Variants in TMEM213 observed in about 807,000 individuals in gnomAD.
TMEM213 encodes the protein transmembrane protein 213.
Under a neutral mutation model 11.6 loss-of-function variants are expected in TMEM213, and 7 were observed. That is an observed-to-expected ratio of 0.60 (90% CI 0.34 to 1.13). TMEM213 has a LOEUF of 1.13. Among genes scored for constraint, TMEM213 ranks in the 50% most tolerant of loss-of-function variants. The probability of loss-of-function intolerance (pLI) is 0.03; values close to 1 mark genes in which losing one functional copy is unlikely to be tolerated. For missense variants in TMEM213, 129 were observed against 139.0 expected, an observed-to-expected ratio of 0.93 and a Z score of 0.36; for synonymous variants, 60 against 58.3, an observed-to-expected ratio of 1.03 and a Z score of -0.13.
chr7:138,798,292 T>G, intron 1 of TMEM213, 106 bp downstream of exon 1: 2 of 954,690 alleles, frequency 2.1e-6, no homozygotes, highest in Admixed American at 2.7e-5. Context: ...TTGGCCAGGG[T>G]TGGTCCTGCG....
In TMEM213 at chr7:138,804,797, TG is replaced by T. The variant is rs1192617899; in HGVS notation, c.*1730del. 2.6e-5 allele frequency: 4 copies of T among 152,016 alleles called. No homozygotes were observed. Among genetic ancestry groups the T allele is most frequent in the South Asian group, 2.1e-4 (1 of 4,820 alleles). The allele number at this position is 152,016 out of a possible 1,614,324, so 9.4% of individuals were successfully genotyped here. A position where few individuals can be genotyped will look rare whatever the true frequency, so the allele number is the denominator to read the frequency against. On this transcript the variant is annotated 3_prime_UTR_variant, in exon 3 of 3. Transcript: ENST00000442682. ...AGTCACTGTCACTTAGCATGGAGAG[TG>T]GACGTTGCACATCACTGTGAAACCT...
In TMEM213 at chr7:138,805,568, T is replaced by C. The variant is rs1199827426; in HGVS notation, c.*2499T>C. On this transcript the variant is annotated 3_prime_UTR_variant, in exon 3 of 3. Transcript: ENST00000442682. ...AAGGTGCATGCTTTGATTTAACATCTGCAAACATTTAAAAAATATAACAGT... is the reference window on the plus strand; with the variant it reads ...AAGGTGCATGCTTTGATTTAACATCCGCAAACATTTAAAAAATATAACAGT... The C allele has an allele frequency of 6.6e-6, 1 of 152,222 alleles. No individual in the cohort carries two copies. The highest frequency in any genetic ancestry group is 1.5e-5 in the Non-Finnish European group (1 of 68,048). The allele number at this position is 152,222 out of a possible 1,614,324, so 9.4% of individuals were successfully genotyped here.
chr7:138,803,055 G>A lies in TMEM213; in HGVS notation c.310G>A (p.Asp104Asn). 1 of 1,613,424 alleles carries A rather than the reference G, an allele frequency of 6.2e-7. No individual in the cohort carries two copies. The highest frequency in any genetic ancestry group is 8.5e-7 in the Non-Finnish European group (1 of 1,179,802). ...LMKLTPDEPK[D>N]LQA Reference sequence around the variant, plus strand: ...GAAGCTGACTCCAGATGAGCCCAAGGACTTGCAAGCGTGAGACCCAGGCTC... The same window carrying A: ...GAAGCTGACTCCAGATGAGCCCAAGAACTTGCAAGCGTGAGACCCAGGCTC... Residue 104 changes from aspartate (D) to asparagine (N), a missense_variant, in exon 3 of 3, where the codon GAC (aspartate) becomes AAC (asparagine). By Grantham distance (23) the Asp-to-Asn change is conservative (BLOSUM62 1). Coordinates refer to ENST00000442682, the MANE Select transcript of TMEM213 (RefSeq NM_001085429.2).
At chr7:138,798,905 C>T (rs1027776470) in intron 1 of TMEM213, among the ~76,000 whole-genome samples, 1 of 152,146 alleles carries the variant, frequency 6.6e-6, no homozygotes, top group Non-Finnish European at 1.5e-5. Context: ...ACCACACTCT[C>T]TATGCCCTGC....
chr7:138,798,365 C>CT, intron 1 of TMEM213, 179 bp downstream of exon 1: 1 of 55,234 alleles, frequency 1.8e-5, no homozygotes, highest in Non-Finnish European at 3.3e-5. Context: ...GGAGGTGGGG[C>CT]TGGGGCAGGG....
Position 138,805,114 on chromosome 7 carries a change from C to A in TMEM213, c.*2045C>A, listed in dbSNP as rs952642678. 3 of 151,906 alleles carry A rather than the reference C, an allele frequency of 2.0e-5. No homozygotes were observed. The highest frequency in any genetic ancestry group is 2.9e-5 in the Non-Finnish European group (2 of 68,026). The allele number at this position is 151,906 out of a possible 1,614,324, so 9.4% of individuals were successfully genotyped here. On this transcript the variant is annotated 3_prime_UTR_variant, in exon 3 of 3. Coordinates refer to ENST00000442682, the MANE Select transcript of TMEM213 (RefSeq NM_001085429.2). Reference sequence around the variant, plus strand: ...AGTCTTCCAAAACAGCAGATAATTTCTGAATCTCAGATGTTGAATCAGTGC... The same window carrying A: ...AGTCTTCCAAAACAGCAGATAATTTATGAATCTCAGATGTTGAATCAGTGC...
intron 1 of TMEM213, among the ~76,000 whole-genome samples, chr7:138,798,981 C>T (rs868745736): frequency 3.9e-5 from 6 of 152,154 alleles, no homozygotes; most frequent in African/African-American, 1.4e-4. Flanking sequence ...CATCCTCAGA[C>T]TCTCTTCTGT....
intron 1 of TMEM213, among the ~76,000 whole-genome samples, chr7:138,798,980 A>T (rs1270211136): frequency 6.6e-6 from 1 of 151,020 alleles, no homozygotes; most frequent in African/African-American, 2.4e-5. Flanking sequence ...TCATCCTCAG[A>T]CTCTCTTCTG....
chr7:138,801,643 AG>A, intron 2 of TMEM213: 1 of 518,490 alleles, frequency 1.9e-6, no homozygotes, highest in South Asian at 2.9e-5. Context: ...ATCCCAGGTC[AG>A]CAGCTAACAA....
chr7:138,799,381 TG>T, intron 1 of TMEM213: 1 of 152,336 alleles, frequency 6.6e-6, no homozygotes, highest in Admixed American at 6.5e-5. Flanking sequence ...ACTGAATCGT[TG>T]GGTCTTCCCA....
In TMEM213 at chr7:138,798,144, C is replaced by T. The variant is rs770213757; in HGVS notation, c.40C>T (p.Leu14Phe). 1.1e-5 allele frequency: 18 copies of T among 1,602,018 alleles called. No homozygotes were observed. The East Asian group carries it at 4.1e-4, about 36-fold the overall frequency. Residue 14 changes from leucine (L) to phenylalanine (F), a missense_variant, in exon 1 of 3, where the codon CTC becomes TTC. Transcript: ENST00000442682. ...LPAATRATLI[L>F]SLAFASLHSA... is the part of the protein sequence containing the mutation. ...CGCTGCCACCCGGGCCACCCTGATC[C>T]TCAGCCTGGCCTTTGCCTCCCTCCA...
intron 1 of TMEM213, among the ~76,000 whole-genome samples, chr7:138,800,661 A>G (rs1336227345): frequency 6.8e-6 from 1 of 147,870 alleles, no homozygotes; most frequent in Non-Finnish European, 1.5e-5. Flanking sequence ...TTCTCTGTGC[A>G]TGTGTGTTGC....
At chr7:138,801,241 T>C (rs777072257) in intron 1 of TMEM213, 86 bp from the exon 2 acceptor site, 15 of 1,232,670 alleles carry the variant, frequency 1.2e-5, no homozygotes, top group Non-Finnish European at 1.6e-5. Flanking sequence ...TAATACTCAC[T>C]ACTGATTTAC....
chr7:138,800,820 C>A lies in TMEM213; in HGVS notation c.83-507C>A, dbSNP rs191647910. 3.5e-3 allele frequency among the ~76,000 whole-genome samples: 526 copies of A among 152,132 alleles called. 1 individual carries two copies. The highest frequency in any genetic ancestry group is 5.3e-3 in the Non-Finnish European group (363 of 68,012). On this transcript the variant is annotated intron_variant, in intron 1 of 2. Coordinates refer to ENST00000442682, the MANE Select transcript of TMEM213 (RefSeq NM_001085429.2). ...GTTCAAGCAATTCTGCTGCCCCAGC[C>A]TCCCAAGTAGCTGGGATTACAGGCA...
At position 138,798,088 on chromosome 7, in the gene TMEM213, TCAGCA is replaced by T. The variant is rs1443644315; in HGVS notation, c.-12_-8del. 1.3e-6 allele frequency: 2 copies of T among 1,589,618 alleles called. No homozygotes were observed. Among genetic ancestry groups the T allele is most frequent in the South Asian group, 2.3e-5 (2 of 87,112 alleles). On this transcript the variant is annotated 5_prime_UTR_variant, in exon 1 of 3. Coordinates refer to ENST00000442682, the MANE Select transcript of TMEM213 (RefSeq NM_001085429.2). ...GGACCGGCTCACCTGCACCGGGCACTCAGCACAGCCTCCAGCATGCAGCGCCTCCC... is the reference window on the plus strand; with the variant it reads ...GGACCGGCTCACCTGCACCGGGCACTCAGCCTCCAGCATGCAGCGCCTCCC...
In TMEM213 at chr7:138,806,658, C is replaced by T. The variant is rs191745107; in HGVS notation, c.*3589C>T. 1 of 152,396 alleles carries T rather than the reference C, an allele frequency of 6.6e-6. No individual in the cohort carries two copies. The highest frequency in any genetic ancestry group is 6.5e-5 in the Admixed American group (1 of 15,308). 9.4% of individuals were successfully genotyped at this position (152,396 alleles called of 1,614,324 possible). A position where few individuals can be genotyped will look rare whatever the true frequency, so the allele number is the denominator to read the frequency against. ...AAAACTTTGCCTCTAGCAGTGGACA[C>T]TGTCCTCAACACAGCTACAGTTTAT... On this transcript the variant is annotated 3_prime_UTR_variant, in exon 3 of 3. Coordinates refer to ENST00000442682, the MANE Select transcript of TMEM213 (RefSeq NM_001085429.2).
chr7:138,805,202 G>A lies in TMEM213; in HGVS notation c.*2133G>A, dbSNP rs1176707585. The A allele has an allele frequency of 7.5e-6, 1 of 132,620 alleles. No homozygotes were observed. Among genetic ancestry groups the A allele is most frequent in the Non-Finnish European group, 1.6e-5 (1 of 63,892 alleles). The allele number at this position is 132,620 out of a possible 1,614,324, so 8.2% of individuals were successfully genotyped here. On this transcript the variant is annotated 3_prime_UTR_variant, in exon 3 of 3. Transcript: ENST00000442682. ...CACATACATAAAAGAGTCTGAGCCT[G>A]AGCAACATAATGAGACCCTGTCTCT...
chr7:138,803,404 C>A lies in TMEM213; in HGVS notation c.*335C>A. 3.7e-6 allele frequency: 1 copy of A among 267,494 alleles called. No homozygotes were observed. The highest frequency in any genetic ancestry group is 7.2e-6 in the Non-Finnish European group (1 of 139,478). 16.6% of individuals were successfully genotyped at this position (267,494 alleles called of 1,614,324 possible). ...GTCTCATCATCAACATTTTCAGAAGCAAGTGCATAACCTTCTCACCAAAAC... is the reference window on the plus strand; with the variant it reads ...GTCTCATCATCAACATTTTCAGAAGAAAGTGCATAACCTTCTCACCAAAAC... On this transcript the variant is annotated 3_prime_UTR_variant, in exon 3 of 3. Transcript: ENST00000442682.
chr7:138,798,724 G>A (rs760324943), intron 1 of TMEM213, among the ~76,000 whole-genome samples: 8 of 152,198 alleles, frequency 5.3e-5, no homozygotes, highest in East Asian at 1.9e-4. Flanking sequence ...CTGCCTCCCC[G>A]GGCACTGGAA....
Sources: allele counts gnomAD v4.1 joint callset (sites outside exome capture counted in the v4.1 genomes callset), GRCh38; gene constraint gnomAD v4.1.1; transcripts MANE v1.5; gene names NCBI Gene and HGNC (gene_info 2026-07-23, HGNC 2026-07-21).